FKBP15: variants seen among roughly 807,000 people sequenced by gnomAD.
The protein encoded by FKBP15 is FK506-binding protein 15.
A neutral mutation model predicts 158.1 loss-of-function variants in FKBP15; 106 were observed. The ratio of observed to expected loss-of-function variants is 0.67; its 90% confidence interval spans 0.57 to 0.79. FKBP15 has a LOEUF of 0.79. FKBP15 is among the 30% of genes least tolerant of loss of function. The pLI, the probability that FKBP15 is intolerant of heterozygous loss-of-function variation, is 0.00. For missense variants in FKBP15, 1,287 were observed against 1,479.1 expected (o/e 0.87, Z 2.13); for synonymous variants, 547 against 548.6 (o/e 1.00, Z 0.04).
intron 1 of FKBP15, among the ~76,000 whole-genome samples, chr9:113,213,639 GCGTT>G (rs1445451220): frequency 2.6e-5 from 4 of 151,914 alleles, no homozygotes; most frequent in African/African-American, 9.7e-5. Flanking sequence ...GAGACTGGTG[GCGTT>G]ATAAGAAGAG....
At chr9:113,202,832 C>A in intron 5 of FKBP15, 129 bp downstream of exon 5, 1 of 826,580 alleles carries the variant, frequency 1.2e-6, no homozygotes, top group Non-Finnish European at 1.9e-6. Flanking sequence ...CTGAAAGGTT[C>A]TGTTAGATAC....
At chr9:113,185,103 C>A (rs1219633559) in intron 15 of FKBP15, among the ~76,000 whole-genome samples, 4 of 152,232 alleles carry the variant, frequency 2.6e-5, no homozygotes, top group Admixed American at 2.0e-4. Flanking sequence ...AGATTACTTT[C>A]CCGTTCATCC....
intron 1 of FKBP15, among the ~76,000 whole-genome samples, chr9:113,219,046 G>C (rs1474598501): frequency 1.3e-5 from 2 of 152,098 alleles, no homozygotes; most frequent in East Asian, 3.8e-4. Context: ...GTTTCTTAGG[G>C]GCAGAAACTG....
At position 113,165,158 on chromosome 9, in the gene FKBP15, T is replaced by C. The variant is rs765401629; in HGVS notation, c.*920A>G. On this transcript the variant is annotated 3_prime_UTR_variant, in exon 28 of 28. Coordinates refer to ENST00000238256, the MANE Select transcript of FKBP15 (RefSeq NM_015258.2). ...GCATAAGTCCTGGTCCCATGAGTTC[T>C]AAGGGAATGGAAGCTGCTCTCAAAG... 6.6e-6 allele frequency: 1 copy of C among 152,204 alleles called. No homozygotes were observed. Among genetic ancestry groups the C allele is most frequent in the Non-Finnish European group, 1.5e-5 (1 of 68,034 alleles). 9.4% of individuals were successfully genotyped at this position (152,204 alleles called of 1,614,324 possible). A position where few individuals can be genotyped will look rare whatever the true frequency, so the allele number is the denominator to read the frequency against.
At chr9:113,186,652 C>G (rs981392114) in intron 14 of FKBP15, 9 of 299,544 alleles carry the variant, frequency 3.0e-5, no homozygotes, top group Non-Finnish European at 5.1e-5. Context: ...GATTCATTCC[C>G]CATTATCAGG....
In FKBP15 at chr9:113,173,409, T is replaced by C. The variant is rs1293125745; in HGVS notation, c.2532+44A>G. On this transcript the variant is annotated intron_variant, in intron 23 of 27. Coordinates refer to ENST00000238256, the MANE Select transcript of FKBP15 (RefSeq NM_015258.2). Reference sequence around the variant, plus strand: ...ACTCAAACAGCCTGCTTGCCTCAAATTAACTGGGCTGCCTAAACTGTCTGA... The same window carrying C: ...ACTCAAACAGCCTGCTTGCCTCAAACTAACTGGGCTGCCTAAACTGTCTGA... 8.8e-6 allele frequency: 14 copies of C among 1,585,418 alleles called. 1 individual carries two copies. In the Admixed American group the frequency reaches 2.4e-4, roughly 27 times the overall value.
chr9:113,170,626 T>G lies in FKBP15; in HGVS notation c.2662A>C (p.Lys888Gln). The G allele has an allele frequency of 1.9e-6, 3 of 1,608,410 alleles. No homozygotes were observed. The highest frequency in any genetic ancestry group is 1.7e-5 in the Admixed American group (1 of 59,898). ...TGGAACACCTGGTTCATGATCTTCT[T>G]GACCTGTGTGAACATCAAAACACAT... is the stretch of plus-strand genomic sequence containing the variant. The part of the protein sequence containing the change: ...AAASDPSEKV[K>Q]KIMNQVFQSL... The change falls in exon 25 of 28, where the codon AAG (lysine) becomes CAG (glutamine). Residue 888 changes from lysine to glutamine, a missense_variant. Lys to Gln is a moderately conservative substitution (Grantham distance 53). Coordinates refer to ENST00000238256, the MANE Select transcript of FKBP15 (RefSeq NM_015258.2).
intron 11 of FKBP15, among the ~76,000 whole-genome samples, chr9:113,193,070 G>C (rs1228201316): frequency 6.6e-6 from 1 of 152,140 alleles, no homozygotes; most frequent in South Asian, 2.1e-4. Flanking sequence ...ACTGTAAAAA[G>C]GGACTATGAG....
chr9:113,184,877 C>CTTT lies in FKBP15; in HGVS notation c.1499-74_1499-73insAAA. On this transcript the variant is annotated intron_variant, in intron 15 of 27. Coordinates refer to ENST00000238256, the MANE Select transcript of FKBP15 (RefSeq NM_015258.2). The surrounding 1 kb of genome is among the most constrained non-coding windows in gnomAD (Gnocchi z 4.5). ...AAACTGTATGAAGAAAAGCTAGTAG[C>CTTT]TCTTCCAGTAAAGAAAGAAATTAAT... 2 of 1,158,360 alleles carry CTTT rather than the reference C, an allele frequency of 1.7e-6. No individual in the cohort carries two copies. Among genetic ancestry groups the CTTT allele is most frequent in the South Asian group, 1.4e-5 (1 of 73,782 alleles). The allele number at this position is 1,158,360 out of a possible 1,614,324, so 71.8% of individuals were successfully genotyped here.
chr9:113,207,138 T>G, intron 3 of FKBP15, 74 bp downstream of exon 3: 1 of 1,177,662 alleles, frequency 8.5e-7, no homozygotes, highest in Non-Finnish European at 1.2e-6. Context: ...CAAACAGAGG[T>G]TTTTCGAGAA....
chr9:113,186,656 T>C, intron 14 of FKBP15: 1 of 288,990 alleles, frequency 3.5e-6, no homozygotes, highest in Non-Finnish European at 6.6e-6. Context: ...CATTCCCCAT[T>C]ATCAGGCCTA....
At chr9:113,168,965 T>C (rs1377980584) in intron 26 of FKBP15, among the ~76,000 whole-genome samples, 42 of 72,880 alleles carry the variant, frequency 5.8e-4, no homozygotes, top group Middle Eastern at 7.1e-3. Flanking sequence ...TACCACACTA[T>C]CACAGGGCCC....
rs1564171480 is a variant in FKBP15, at chr9:113,193,487, C to T, written c.1065+5G>A. ...ACCATGCCTGGCCAAGACTCTTATA[C>T]TTACTGTATTTATTGCAAGTTGTTC... On this transcript the variant is annotated splice_donor_5th_base_variant and intron_variant, in intron 11 of 27. Coordinates refer to ENST00000238256, the MANE Select transcript of FKBP15 (RefSeq NM_015258.2). 2.5e-6 allele frequency: 4 copies of T among 1,588,818 alleles called. No homozygotes were observed. The highest frequency in any genetic ancestry group is 2.6e-6 in the Non-Finnish European group (3 of 1,166,450).
rs183149350 is a variant in FKBP15, at chr9:113,198,119, G to A, written c.717+736C>T. Among the ~76,000 whole-genome samples, 21 of 152,216 alleles carry A rather than the reference G, an allele frequency of 1.4e-4. No homozygotes were observed. Among genetic ancestry groups the A allele is most frequent in the Admixed American group, 7.2e-4 (11 of 15,302 alleles). On this transcript the variant is annotated intron_variant, in intron 8 of 27. Transcript: ENST00000238256. This position sits in a 1 kb window ranked among gnomAD's most constrained non-coding sequence, Gnocchi z 5.2. ...ATTCACAACTTGAACCCAAGTTCTC[G>A]GATTTCAACCCCAGTGCTCCTCCTG...
chr9:113,177,767 C>A (rs73655814), intron 20 of FKBP15, among the ~76,000 whole-genome samples: 53 of 152,240 alleles, frequency 3.5e-4, no homozygotes, highest in African/African-American at 1.2e-3. Context: ...CCAGCTACCC[C>A]CTGCCCACTA....
At position 113,194,047 on chromosome 9, in the gene FKBP15, T is replaced by G. The variant is rs1267619199; in HGVS notation, c.987A>C (p.Thr329=). The part of the protein sequence containing the change: ...LSADPVVSPP[T]SIPFKSGEPA... ...CTTACCCTGATTTGAAAGGTATTGATGTGGGTGGTGACACAACAGGATCAG... is the reference window on the plus strand; with the variant it reads ...CTTACCCTGATTTGAAAGGTATTGAGGTGGGTGGTGACACAACAGGATCAG... Residue 329 remains threonine, a synonymous_variant, in exon 10 of 28, where the codon ACA becomes ACC. Transcript: ENST00000238256. The G allele has an allele frequency of 6.2e-7, 1 of 1,612,810 alleles. No homozygotes were observed. The highest frequency in any genetic ancestry group is 8.5e-7 in the Non-Finnish European group (1 of 1,179,190).
chr9:113,169,083 T>G, intron 26 of FKBP15, 141 bp downstream of exon 26: 12 of 1,205,282 alleles, frequency 1.0e-5, no homozygotes, highest in Non-Finnish European at 1.2e-5. Context: ...ATGGTAGGTG[T>G]TGTTGAATTA....
rs758349654 is a variant in FKBP15, at chr9:113,169,851, C to T, written c.2858G>A (p.Arg953Gln). ...EEEEKAEERP[R>Q]RPSQEQSASA... is the part of the protein sequence containing the mutation. ...GGCTGACTGCTCCTGGGAAGGTCTT[C>T]GTGGCCGCTCTTCTGCTTTTTCTTC... Residue 953 changes from arginine (R) to glutamine (Q), a missense_variant, in exon 26 of 28, where the codon CGA becomes CAA. By Grantham distance (43) the Arg-to-Gln change is conservative. Coordinates refer to ENST00000238256, the MANE Select transcript of FKBP15 (RefSeq NM_015258.2). The T allele has an allele frequency of 8.4e-6, 13 of 1,553,292 alleles. No homozygotes were observed. The highest frequency in any genetic ancestry group is 7.3e-5 in the East Asian group (3 of 41,058).
Position 113,169,593 on chromosome 9 carries a change from C to G in FKBP15, c.3116G>C (p.Gly1039Ala). 6.2e-7 allele frequency: 1 copy of G among 1,614,004 alleles called. No homozygotes were observed. The highest frequency in any genetic ancestry group is 8.5e-7 in the Non-Finnish European group (1 of 1,179,892). The stretch of plus-strand genomic sequence containing the variant: ...CTCAGGTGGAATTGAAGTCGGGGGC[C>G]CTAGAACTCTGTGGGATGGGATGCA... ...LSCIPSHRVL[G>A]PPTSIPPEPL... The change falls in exon 26 of 28, where the codon GGG (glycine) becomes GCG (alanine). Residue 1039 changes from glycine to alanine, a missense_variant. By Grantham distance (60) the Gly-to-Ala change is moderately conservative (BLOSUM62 0). Transcript: ENST00000238256.
Sources: gnomAD v4.1 joint callset for allele counts (sites outside exome capture counted in the v4.1 genomes callset) on GRCh38, gnomAD v4.1.1 for gene constraint, Gnocchi (gnomAD v3.1) non-coding constraint, MANE v1.5 for transcripts, NCBI Gene and HGNC (gene_info 2026-07-23, HGNC 2026-07-21) for gene names.